The following NUP210L variants were observed in gnomAD, a reference collection of about 807,000 sequenced individuals.
The protein encoded by NUP210L is nucleoporin 210 like, also known as nuclear pore membrane glycoprotein 210-like.
A neutral mutation model predicts 208.5 loss-of-function variants in NUP210L; 74 were observed. That is an observed-to-expected ratio of 0.35 (90% CI 0.29 to 0.43). The LOEUF is 0.43. Ranked by LOEUF, NUP210L falls within the 20% of genes least tolerant of loss-of-function variation. The pLI is 1.00. For missense variants in NUP210L, 1,843 were observed against 2,289.4 expected (o/e 0.81, Z 3.98); for synonymous variants, 780 against 816.9 (o/e 0.95, Z 0.77).
At chr1:154,150,131 T>C (rs947073410) in intron 2 of NUP210L, among the ~76,000 whole-genome samples, 1 of 152,050 alleles carries the variant, frequency 6.6e-6, no homozygotes, top group African/African-American at 2.4e-5. Context: ...TCCCAGCACT[T>C]TGGGAGGCTG....
In NUP210L at chr1:154,115,947, C is replaced by T. The variant is rs376691588; in HGVS notation, c.1620+1778G>A. Among the ~76,000 whole-genome samples the T allele has an allele frequency of 5.3e-5, 8 of 151,822 alleles. No individual in the cohort carries two copies. The South Asian group carries it at 6.2e-4, about 12-fold the overall frequency. ...CAGCCTGGCCATAATGGTGAAACCCCGTCTCTACTGAAAATACAAAAAATT... is the reference window on the plus strand; with the variant it reads ...CAGCCTGGCCATAATGGTGAAACCCTGTCTCTACTGAAAATACAAAAAATT... On this transcript the variant is annotated intron_variant, in intron 12 of 39. Coordinates refer to ENST00000368559, the Ensembl canonical transcript of NUP210L.
intron 12 of NUP210L, among the ~76,000 whole-genome samples, chr1:154,114,142 CAA>C (rs768988851): frequency 1.5e-4 from 18 of 120,156 alleles, no homozygotes; most frequent in Admixed American, 2.6e-4. Flanking sequence ...GACTCCATCT[CAA>C]AAAAAAAAAA....
intron 12 of NUP210L, among the ~76,000 whole-genome samples, chr1:154,110,269 A>C (rs1251484265): frequency 6.7e-6 from 1 of 150,084 alleles, no homozygotes; most frequent in South Asian, 2.1e-4. Flanking sequence ...TGAAAAAAAC[A>C]ACCCAATGTT....
intron 12 of NUP210L, among the ~76,000 whole-genome samples, chr1:154,113,171 T>C (rs553732663): frequency 2.7e-4 from 40 of 145,676 alleles, no homozygotes; most frequent in Admixed American, 3.5e-4. Flanking sequence ...AAAAAAAATA[T>C]ATATATATAT....
intron 33 of NUP210L, among the ~76,000 whole-genome samples, chr1:154,013,913 T>G (rs1441879910): frequency 6.6e-6 from 1 of 151,994 alleles, no homozygotes; most frequent in Non-Finnish European, 1.5e-5. Context: ...TACAGGCACG[T>G]GCCACCATGC....
intron 27 of NUP210L, among the ~76,000 whole-genome samples, chr1:154,032,278 G>A (rs917771992): frequency 6.6e-6 from 1 of 152,012 alleles, no homozygotes; most frequent in African/African-American, 2.4e-5. Context: ...GAAAACCTCC[G>A]AACTATGCTC....
chr1:154,012,214 A>C (rs369997683), intron 34 of NUP210L, 30 bp downstream of exon 34: 9 of 1,605,642 alleles, frequency 5.6e-6, no homozygotes, highest in Admixed American at 1.7e-5. Context: ...AGATAGGAAC[A>C]ATCACTGAAA....
chr1:154,015,722 A>AACACACAC lies in NUP210L; in HGVS notation c.4653+3203_4653+3210dup, dbSNP rs372823301. Among the ~76,000 whole-genome samples the AACACACAC allele has an allele frequency of 1.5e-3, 223 of 144,450 alleles. 1 individual carries two copies. The highest frequency in any genetic ancestry group is 2.5e-3 in the Non-Finnish European group (166 of 66,128). 94.8% of individuals were successfully genotyped at this position (144,450 alleles called of 152,430 possible). On this transcript the variant is annotated intron_variant, in intron 33 of 39. Transcript: ENST00000368559. The stretch of plus-strand genomic sequence containing the variant: ...GCAACAGAGTGAGACTCTGTCTCAA[A>AACACACAC]ACACACACACACACACACACACACA...
intron 14 of NUP210L, among the ~76,000 whole-genome samples, chr1:154,098,275 G>A (rs1237744227): frequency 6.6e-6 from 1 of 152,180 alleles, no homozygotes; most frequent in Non-Finnish European, 1.5e-5. Context: ...GCCCTGGCTT[G>A]GGGAGCTCCC....
chr1:154,011,543 C>G (rs887892113), intron 34 of NUP210L, among the ~76,000 whole-genome samples: 1 of 129,636 alleles, frequency 7.7e-6, no homozygotes, highest in Non-Finnish European at 1.7e-5. Context: ...TTTTTTTTTT[C>G]TGAGAGATGG....
chr1:154,132,589 C>G (rs1352228023), intron 7 of NUP210L, among the ~76,000 whole-genome samples: 2 of 151,830 alleles, frequency 1.3e-5, no homozygotes, highest in Non-Finnish European at 2.9e-5. Context: ...AATAAACAGA[C>G]AAATACAATG....
intron 25 of NUP210L, among the ~76,000 whole-genome samples, chr1:154,052,367 C>G (rs190388960): frequency 6.6e-6 from 1 of 152,266 alleles, no homozygotes; most frequent in East Asian, 1.9e-4. Flanking sequence ...GCAGCCATGT[C>G]AAGACTGATG....
chr1:154,005,346 C>T (rs925206485), intron 35 of NUP210L, among the ~76,000 whole-genome samples: 5 of 152,028 alleles, frequency 3.3e-5, no homozygotes, highest in African/African-American at 1.2e-4. Flanking sequence ...GCCTCAGCCT[C>T]CCAAGTAGCT....
intron 35 of NUP210L, among the ~76,000 whole-genome samples, chr1:154,002,429 C>T (rs905475344): frequency 2.0e-5 from 3 of 151,786 alleles, no homozygotes; most frequent in South Asian, 2.1e-4. Context: ...GTCAAGAGTT[C>T]GAGACCAGCC....
chr1:154,137,810 C>T (rs1658627038), intron 6 of NUP210L, among the ~76,000 whole-genome samples: 1 of 152,196 alleles, frequency 6.6e-6, no homozygotes. Context: ...ATCTTCCTGC[C>T]TCAGCTTCCA....
chr1:154,007,809 C>T (rs1012054105), intron 35 of NUP210L, among the ~76,000 whole-genome samples: 1 of 150,448 alleles, frequency 6.6e-6, no homozygotes, highest in African/African-American at 2.4e-5. Context: ...CTCCTGACCT[C>T]GTGATCCGCC....
chr1:154,054,875 T>C (rs192182733), intron 23 of NUP210L, 43 bp from the exon 24 acceptor site: 1 of 1,353,856 alleles, frequency 7.4e-7, no homozygotes, highest in East Asian at 2.3e-5. Context: ...CTAACTAGAG[T>C]CAATTTTATA....
intron 29 of NUP210L, among the ~76,000 whole-genome samples, chr1:154,027,106 AAAAAC>A (rs1571186273): frequency 3.3e-5 from 5 of 150,918 alleles, no homozygotes; most frequent in African/African-American, 1.2e-4. Context: ...ACAAAAAAAA[AAAAAC>A]AAAAAACACA....
At chr1:154,024,812 G>A (rs1470523462) in intron 30 of NUP210L, among the ~76,000 whole-genome samples, 2 of 151,230 alleles carry the variant, frequency 1.3e-5, no homozygotes, top group African/African-American at 4.9e-5. Flanking sequence ...GCTTACAGGC[G>A]TGAGTCACCC....
Sources: allele counts gnomAD v4.1 joint callset (sites outside exome capture counted in the v4.1 genomes callset), GRCh38; gene constraint gnomAD v4.1.1; transcripts MANE v1.5; gene names NCBI Gene and HGNC (gene_info 2026-07-23, HGNC 2026-07-21).